The following SGCZ variants were observed in gnomAD, a reference collection of about 807,000 sequenced individuals.
SGCZ encodes sarcoglycan zeta.
In SGCZ, 40 loss-of-function variants were observed where a neutral mutation model predicts 41.3. The ratio of observed to expected loss-of-function variants is 0.97; its 90% CI spans 0.75 to 1.26. SGCZ has a LOEUF of 1.26. Among genes scored for constraint, SGCZ ranks in the 50% most tolerant of loss-of-function variants. The pLI is 0.00. For synonymous variants in SGCZ, 206 were observed against 137.5 expected (o/e 1.50, Z -3.49); for missense variants, 552 against 369.8 (o/e 1.49, Z -4.04).
intron 4 of SGCZ, among the ~76,000 whole-genome samples, chr8:14,194,781 T>G (rs1805212793): frequency 6.6e-6 from 1 of 151,840 alleles, no homozygotes. Flanking sequence ...TACTGCAGAT[T>G]ACCATTTTAA....
At chr8:15,075,913 T>C (rs1368228201) in intron 1 of SGCZ, among the ~76,000 whole-genome samples, 6 of 151,560 alleles carry the variant, frequency 4.0e-5, no homozygotes, top group Non-Finnish European at 5.9e-5. Context: ...GAAATACAAA[T>C]CATTTGAAAT....
chr8:14,278,992 G>A (rs576044154), intron 3 of SGCZ, among the ~76,000 whole-genome samples: 2 of 152,176 alleles, frequency 1.3e-5, no homozygotes, highest in Non-Finnish European at 2.9e-5. Context: ...AATGGCTCTG[G>A]TTCCTGGTCT....
intron 4 of SGCZ, among the ~76,000 whole-genome samples, chr8:14,210,141 T>C (rs1585234751): frequency 1.3e-5 from 2 of 152,108 alleles, no homozygotes; most frequent in Non-Finnish European, 2.9e-5. Flanking sequence ...CACAGCAACC[T>C]CCGCCTACCA....
intron 1 of SGCZ, among the ~76,000 whole-genome samples, chr8:15,234,215 G>T (rs561299648): frequency 3.3e-5 from 5 of 152,262 alleles, no homozygotes; most frequent in African/African-American, 1.2e-4. Context: ...CTAAAATAAA[G>T]GCTAAAGCTA....
At chr8:14,335,727 A>T (rs1192312846) in intron 2 of SGCZ, among the ~76,000 whole-genome samples, 1 of 152,036 alleles carries the variant, frequency 6.6e-6, no homozygotes, top group Non-Finnish European at 1.5e-5. Context: ...TATCTTCCAT[A>T]CAAGCTCAGA....
chr8:15,027,435 C>A (rs543697112), intron 1 of SGCZ, among the ~76,000 whole-genome samples: 1 of 152,138 alleles, frequency 6.6e-6, no homozygotes, highest in South Asian at 2.1e-4. Context: ...TATACCATAT[C>A]CATGACACTA....
At chr8:14,984,944 GGC>G (rs1801781556) in intron 1 of SGCZ, among the ~76,000 whole-genome samples, 1 of 24,810 alleles carries the variant, frequency 4.0e-5, no homozygotes, top group Non-Finnish European at 3.3e-4. Flanking sequence ...GATTTTTCTG[GGC>G]CACAGTATCT....
At chr8:14,288,650 A>T (rs1245898671) in intron 3 of SGCZ, among the ~76,000 whole-genome samples, 2 of 152,172 alleles carry the variant, frequency 1.3e-5, no homozygotes, top group African/African-American at 4.8e-5. Flanking sequence ...ATACTCCATT[A>T]TATGGATTTA....
intron 1 of SGCZ, among the ~76,000 whole-genome samples, chr8:14,573,514 A>C (rs928464803): frequency 2.6e-5 from 4 of 152,140 alleles, no homozygotes; most frequent in African/African-American, 9.7e-5. Context: ...TCTATTAAAC[A>C]CATTACCAAT....
chr8:14,785,432 C>T (rs1478468896), intron 1 of SGCZ, among the ~76,000 whole-genome samples: 1 of 152,006 alleles, frequency 6.6e-6, no homozygotes, highest in African/African-American at 2.4e-5. Flanking sequence ...ATTTCACATA[C>T]ATAACGATAC....
chr8:15,135,834 G>C (rs566090984), intron 1 of SGCZ, among the ~76,000 whole-genome samples: 1 of 152,318 alleles, frequency 6.6e-6, no homozygotes, highest in South Asian at 2.1e-4. Context: ...AGCAGCAGCA[G>C]AGGGATTGCT....
chr8:14,385,485 G>T (rs1804543408), intron 2 of SGCZ, among the ~76,000 whole-genome samples: 1 of 152,260 alleles, frequency 6.6e-6, no homozygotes, highest in Admixed American at 6.5e-5. Context: ...GTTGTGCTAT[G>T]GTCCACACCA....
chr8:14,230,211 G>C (rs1022818849), intron 4 of SGCZ, among the ~76,000 whole-genome samples: 1 of 151,878 alleles, frequency 6.6e-6, no homozygotes, highest in East Asian at 1.9e-4. Context: ...ATTTAGACTT[G>C]GAACAGAAAA....
intron 1 of SGCZ, among the ~76,000 whole-genome samples, chr8:14,999,558 A>C (rs1401318057): frequency 6.6e-6 from 1 of 152,164 alleles, no homozygotes; most frequent in Non-Finnish European, 1.5e-5. Context: ...AAAAAGGAGG[A>C]AGTGGTGAGA....
At chr8:14,224,510 A>G (rs1031313489) in intron 4 of SGCZ, among the ~76,000 whole-genome samples, 1 of 152,226 alleles carries the variant, frequency 6.6e-6, no homozygotes, top group Non-Finnish European at 1.5e-5. Flanking sequence ...CAGGGTCACC[A>G]TTTAGTATAT....
intron 2 of SGCZ, among the ~76,000 whole-genome samples, chr8:14,518,407 C>T (rs980341537): frequency 6.6e-6 from 1 of 152,024 alleles, no homozygotes; most frequent in Non-Finnish European, 1.5e-5. Flanking sequence ...TAAATATCGG[C>T]CTATTTTCAT....
chr8:14,991,293 T>C (rs1052943771), intron 1 of SGCZ, among the ~76,000 whole-genome samples: 2 of 152,108 alleles, frequency 1.3e-5, no homozygotes, highest in African/African-American at 4.8e-5. Flanking sequence ...CTAATCAAAA[T>C]ATGATACAAG....
At chr8:15,002,474 A>G (rs1285332363) in intron 1 of SGCZ, among the ~76,000 whole-genome samples, 2 of 152,122 alleles carry the variant, frequency 1.3e-5, no homozygotes, top group African/African-American at 4.8e-5. Context: ...CATTTCTGGG[A>G]ATGTGTGTGG....
intron 1 of SGCZ, among the ~76,000 whole-genome samples, chr8:14,927,321 G>C (rs7838248): frequency 0.022 from 3,347 of 151,958 alleles, 123 homozygotes; most frequent in African/African-American, 0.076. Flanking sequence ...GTGTTAGCCA[G>C]GATGGTGTCG....
Sources: allele counts gnomAD v4.1 joint callset (sites outside exome capture counted in the v4.1 genomes callset), GRCh38; gene constraint gnomAD v4.1.1; transcripts MANE v1.5; gene names NCBI Gene and HGNC (gene_info 2026-07-23, HGNC 2026-07-21).